The following WDFY4 variants were observed in gnomAD, a reference collection of about 807,000 sequenced individuals.
WDFY4 encodes the protein WDFY family member 4.
In WDFY4, 169 loss-of-function variants were observed where a neutral mutation model predicts 351.9. The ratio of observed to expected loss-of-function variants is 0.48; its 90% CI spans 0.42 to 0.55. The LOEUF (loss-of-function observed/expected upper bound fraction) is 0.55. WDFY4 is among the 20% of genes least tolerant of loss of function. WDFY4 has a pLI of 0.00. For missense variants in WDFY4, 3,803 were observed against 3,935.6 expected, an observed-to-expected ratio of 0.97 and a Z score of 0.90; for synonymous variants, 1,622 against 1,574.6, an observed-to-expected ratio of 1.03 and a Z score of -0.71.
At chr10:48,849,917 G>GT (rs985135221) in intron 39 of WDFY4, among the ~76,000 whole-genome samples, 4 of 152,082 alleles carry the variant, frequency 2.6e-5, no homozygotes, top group Non-Finnish European at 2.9e-5. Flanking sequence ...GATATTCCTT[G>GT]TTTTTTGTGA....
intron 43 of WDFY4, among the ~76,000 whole-genome samples, chr10:48,881,030 T>TAGAGG (rs2070226848): frequency 6.6e-6 from 1 of 152,224 alleles, no homozygotes; most frequent in Admixed American, 6.5e-5. Flanking sequence ...CAGCCTCCTT[T>TAGAGG]CTGTTATCTT....
chr10:48,810,871 G>C (rs2067421881), intron 29 of WDFY4, 136 bp downstream of exon 29: 2 of 922,122 alleles, frequency 2.2e-6, no homozygotes, highest in Non-Finnish European at 3.1e-6. Context: ...TGACTCCAAG[G>C]CCTACATCCA....
intron 1 of WDFY4, among the ~76,000 whole-genome samples, chr10:48,704,765 G>A (rs1018458845): frequency 6.6e-6 from 1 of 152,212 alleles, no homozygotes; most frequent in Non-Finnish European, 1.5e-5. Context: ...AAGGGACCCT[G>A]GCCAAGTCAC....
At chr10:48,970,085 T>C in intron 56 of WDFY4, 46 bp from the exon 57 acceptor site, 2 of 1,542,022 alleles carry the variant, frequency 1.3e-6, no homozygotes, top group Non-Finnish European at 1.8e-6. Flanking sequence ...TGGGCTCCTG[T>C]CCCTGCTGTC....
chr10:48,748,840 A>G (rs1320240403), intron 12 of WDFY4, among the ~76,000 whole-genome samples: 1 of 152,142 alleles, frequency 6.6e-6, no homozygotes, highest in Non-Finnish European at 1.5e-5. Context: ...CTGCCGTACC[A>G]CACTTGTATG....
intron 47 of WDFY4, among the ~76,000 whole-genome samples, chr10:48,903,667 CT>C (rs1425441890): frequency 1.3e-5 from 2 of 152,104 alleles, no homozygotes; most frequent in African/African-American, 4.8e-5. Flanking sequence ...GAAAGAGTGG[CT>C]GTAGGGCCAC....
chr10:48,834,995 A>C (rs1031256504), intron 39 of WDFY4, among the ~76,000 whole-genome samples: 8 of 152,124 alleles, frequency 5.3e-5, no homozygotes, highest in Non-Finnish European at 1.2e-4. Flanking sequence ...AGAATATCCA[A>C]AGCCGGCTCT....
chr10:48,764,110 T>G (rs1219244736), intron 13 of WDFY4, among the ~76,000 whole-genome samples: 1 of 152,234 alleles, frequency 6.6e-6, no homozygotes, highest in African/African-American at 2.4e-5. Flanking sequence ...CGCTTTACAC[T>G]ATTCACTTGC....
Position 48,946,916 on chromosome 10 carries a change from G to T in WDFY4, c.7924G>T (p.Ala2642Ser), listed in dbSNP as rs371298089. ...YTHYSSAIIV[A>S]SYLVRMPPFT... ...CCACTACTCCTCGGCCATCATCGTGGCCTCCTACCTGGTCCGGATGCCACC... is the reference window on the plus strand; with the variant it reads ...CCACTACTCCTCGGCCATCATCGTGTCCTCCTACCTGGTCCGGATGCCACC... Residue 2642 changes from alanine (A) to serine (S), a missense_variant, in exon 51 of 62, where the codon GCC becomes TCC. Physicochemically the swap from Ala to Ser is moderately conservative, Grantham distance 99 (BLOSUM62 1). Around this residue, in one of 3 missense-constraint regions of WDFY4, gnomAD observed 3,054 missense variants for 3,148.6 expected, o/e 0.97. Coordinates refer to ENST00000325239, the MANE Select transcript of WDFY4 (RefSeq NM_001394531.1). 3.9e-6 allele frequency: 6 copies of T among 1,551,686 alleles called. No homozygotes were observed. The highest frequency in any genetic ancestry group is 2.7e-5 in the African/African-American group (2 of 72,896).
At chr10:48,949,721 C>T (rs1241698550) in intron 51 of WDFY4, among the ~76,000 whole-genome samples, 4 of 152,182 alleles carry the variant, frequency 2.6e-5, no homozygotes, top group South Asian at 2.1e-4. Context: ...GGAGAGCACA[C>T]GTCTCCATTC....
intron 1 of WDFY4, among the ~76,000 whole-genome samples, chr10:48,708,463 T>C (rs1389765655): frequency 6.6e-6 from 1 of 152,246 alleles, no homozygotes; most frequent in Non-Finnish European, 1.5e-5. Context: ...GAATGCCTGC[T>C]GGGCACCCGG....
intron 1 of WDFY4, among the ~76,000 whole-genome samples, chr10:48,693,321 G>C (rs947237704): frequency 2.6e-5 from 4 of 152,152 alleles, no homozygotes; most frequent in Admixed American, 6.5e-5. Context: ...GCAGCCAGGG[G>C]ACAGATGAGC....
At chr10:48,859,609 A>C (rs185699466) in intron 39 of WDFY4, among the ~76,000 whole-genome samples, 39 of 152,242 alleles carry the variant, frequency 2.6e-4, no homozygotes, top group African/African-American at 9.4e-4. Flanking sequence ...GTGTTCTTGA[A>C]TTCTGTTTGT....
chr10:48,930,724 T>C (rs1377754427), intron 47 of WDFY4, among the ~76,000 whole-genome samples: 1 of 151,912 alleles, frequency 6.6e-6, no homozygotes, highest in East Asian at 1.9e-4. Context: ...TATCTAACAA[T>C]AGATGAGTGA....
intron 19 of WDFY4, among the ~76,000 whole-genome samples, chr10:48,782,508 G>A (rs190726155): frequency 1.2e-3 from 176 of 152,344 alleles, no homozygotes; most frequent in Non-Finnish European, 1.9e-3. Flanking sequence ...TAAGCCTAGG[G>A]CCATCAACAG....
intron 40 of WDFY4, among the ~76,000 whole-genome samples, chr10:48,868,074 G>T (rs1039018681): frequency 6.6e-6 from 1 of 152,178 alleles, no homozygotes; most frequent in African/African-American, 2.4e-5. Context: ...CCATTAGTGT[G>T]TCCTGGGTGG....
chr10:48,762,064 C>T (rs2065524439), intron 13 of WDFY4, among the ~76,000 whole-genome samples: 1 of 152,120 alleles, frequency 6.6e-6, no homozygotes, highest in Admixed American at 6.5e-5. Flanking sequence ...CTGGCACTCC[C>T]AGGAAGCAAT....
At position 48,824,888 on chromosome 10, in the gene WDFY4, T is replaced by G. The variant is rs115921283; in HGVS notation, c.5983-1783T>G. 4.4e-3 allele frequency among the ~76,000 whole-genome samples: 670 copies of G among 152,294 alleles called. 3 individuals are homozygous for G. The highest frequency in any genetic ancestry group is 0.015 in the African/African-American group (630 of 41,568). On this transcript the variant is annotated intron_variant, in intron 35 of 61. Coordinates refer to ENST00000325239, the MANE Select transcript of WDFY4 (RefSeq NM_001394531.1). Reference sequence around the variant, plus strand: ...CTTGAACACCTGTCCTCAAGAGATCTTCTTATCTTGGTCTCCTAAAGTGCT... The same window carrying G: ...CTTGAACACCTGTCCTCAAGAGATCGTCTTATCTTGGTCTCCTAAAGTGCT...
At chr10:48,913,996 C>A (rs191550753) in intron 47 of WDFY4, 8 of 1,613,998 alleles carry the variant, frequency 5.0e-6, no homozygotes, top group Non-Finnish European at 6.8e-6. Context: ...AGGTCCAGCT[C>A]GTCCATGTCA....
Sources: allele counts gnomAD v4.1 joint callset (sites outside exome capture counted in the v4.1 genomes callset), GRCh38; gene constraint gnomAD v4.1.1; regional missense constraint gnomAD v4.1.1; transcripts MANE v1.5; gene names NCBI Gene and HGNC (gene_info 2026-07-23, HGNC 2026-07-21).